THEMIS: variants seen among roughly 807,000 people sequenced by gnomAD.
THEMIS encodes thymocyte selection associated.
In THEMIS, 37 loss-of-function variants were observed where a neutral mutation model predicts 52.6. The ratio of observed to expected loss-of-function variants is 0.70; its 90% CI spans 0.54 to 0.93. The LOEUF is 0.93. Ranked by LOEUF, THEMIS falls within the 40% of genes least tolerant of loss-of-function variation. THEMIS has a pLI of 0.00. For synonymous variants in THEMIS, 292 were observed against 272.7 expected (o/e 1.07, Z -0.70); for missense variants, 808 against 763.1 (o/e 1.06, Z -0.69).
At chr6:127,886,413 T>G (rs2114451665) in intron 1 of THEMIS, among the ~76,000 whole-genome samples, 1 of 152,284 alleles carries the variant, frequency 6.6e-6, no homozygotes, top group Middle Eastern at 3.4e-3. Flanking sequence ...CCCTCATATA[T>G]TCCAAAGAAA....
At chr6:127,699,354 A>G in the THEMIS span, among the ~76,000 whole-genome samples, 3 of 151,450 alleles carry the variant, frequency 2.0e-5, no homozygotes, top group African/African-American at 7.3e-5. Flanking sequence ...CTTCTTCCAT[A>G]CATTATTTAA....
At chr6:127,868,451 A>G (rs1033963267) in intron 1 of THEMIS, 1 of 985,290 alleles carries the variant, frequency 1.0e-6, no homozygotes, top group Non-Finnish European at 1.2e-6. Context: ...GGGGATAAAG[A>G]CACCTTCAAG....
intron 4 of THEMIS, among the ~76,000 whole-genome samples, chr6:127,735,023 T>A (rs1774953990): frequency 6.7e-6 from 1 of 149,910 alleles, no homozygotes; most frequent in South Asian, 2.1e-4. Flanking sequence ...ATATTGTTTC[T>A]TAAATAATCT....
At chr6:127,744,013 ATGT>A (rs1775297192) in intron 4 of THEMIS, among the ~76,000 whole-genome samples, 1 of 152,116 alleles carries the variant, frequency 6.6e-6, no homozygotes, top group African/African-American at 2.4e-5. Flanking sequence ...TATTGAATAA[ATGT>A]TGACCAAATT....
intron 4 of THEMIS, among the ~76,000 whole-genome samples, chr6:127,767,291 C>A (rs1776233475): frequency 6.6e-6 from 1 of 152,064 alleles, no homozygotes; most frequent in Admixed American, 6.6e-5. Flanking sequence ...ACTGTTTCAC[C>A]ATGTTGGCCA....
chr6:127,848,093 C>T (rs188234939), intron 2 of THEMIS, among the ~76,000 whole-genome samples: 1,548 of 127,460 alleles, frequency 0.012, 31 homozygotes, highest in African/African-American at 0.041. Context: ...CAACAGGCCC[C>T]GGTGTGTGTG....
chr6:127,711,352 G>A (rs995220165), intron 5 of THEMIS, among the ~76,000 whole-genome samples: 2 of 152,124 alleles, frequency 1.3e-5, no homozygotes, highest in African/African-American at 2.4e-5. Flanking sequence ...GGCTCCTGAG[G>A]AGGTCACAGA....
At chr6:127,802,044 G>A (rs1156280593) in intron 4 of THEMIS, among the ~76,000 whole-genome samples, 2 of 152,128 alleles carry the variant, frequency 1.3e-5, no homozygotes, top group Admixed American at 6.5e-5. Flanking sequence ...GTTGCAGTTC[G>A]GGGAGTTAAA....
intron 4 of THEMIS, among the ~76,000 whole-genome samples, chr6:127,784,950 A>ACTATCTATCTAT (rs59805084): frequency 1.4e-5 from 2 of 145,404 alleles, no homozygotes; most frequent in Non-Finnish European, 3.0e-5. Context: ...AGGCAGTCAC[A>ACTATCTATCTAT]CTATCTATCT....
At chr6:127,711,038 C>T (rs1773963182) in intron 5 of THEMIS, among the ~76,000 whole-genome samples, 1 of 143,800 alleles carries the variant, frequency 7.0e-6, no homozygotes, top group South Asian at 2.3e-4. Context: ...CCCTTCTTCT[C>T]CTCTCCCACT....
chr6:127,701,519 T>C, the THEMIS span, among the ~76,000 whole-genome samples: 1 of 152,122 alleles, frequency 6.6e-6, no homozygotes, highest in Non-Finnish European at 1.5e-5. Context: ...GTCTTATTGG[T>C]AGCTAAATTA....
the THEMIS span, among the ~76,000 whole-genome samples, chr6:127,701,771 T>C: frequency 0.013 from 1,984 of 152,270 alleles, 46 homozygotes; most frequent in African/African-American, 0.045. Flanking sequence ...AGTTTTAATT[T>C]GCATTTGCCT....
chr6:127,737,679 A>C (rs181606043), intron 4 of THEMIS, among the ~76,000 whole-genome samples: 17 of 152,350 alleles, frequency 1.1e-4, no homozygotes, highest in African/African-American at 3.8e-4. Context: ...ATATATCATA[A>C]ACTAATTCAA....
At chr6:127,865,381 T>C (rs866985408) in intron 1 of THEMIS, among the ~76,000 whole-genome samples, 1 of 152,152 alleles carries the variant, frequency 6.6e-6, no homozygotes, top group Non-Finnish European at 1.5e-5. Context: ...TTCTTTGGAA[T>C]GTACATAAAG....
At chr6:127,891,132 ACT>A (rs1780792633) in intron 1 of THEMIS, among the ~76,000 whole-genome samples, 1 of 152,096 alleles carries the variant, frequency 6.6e-6, no homozygotes, top group South Asian at 2.1e-4. Context: ...GGTCTTCATG[ACT>A]CTGTCAAATA....
intron 4 of THEMIS, among the ~76,000 whole-genome samples, chr6:127,775,124 C>G (rs1411009191): frequency 1.3e-5 from 2 of 152,092 alleles, no homozygotes; most frequent in African/African-American, 2.4e-5. Flanking sequence ...ATATATGTTC[C>G]CTGGGGTGGT....
At position 127,831,123 on chromosome 6, in the gene THEMIS, A is replaced by T. The variant is rs546667529; in HGVS notation, c.251-1189T>A. Among the ~76,000 whole-genome samples, 3 of 152,192 alleles carry T rather than the reference A, an allele frequency of 2.0e-5. No individual in the cohort carries two copies. In the South Asian group the frequency reaches 6.2e-4, roughly 32 times the overall value. ...TTACTTCTCTAATTTTTCCATTAGA[A>T]AACTGCACTATTTTTACTATTTCAT... On this transcript the variant is annotated intron_variant, in intron 2 of 5. Coordinates refer to ENST00000368248, the MANE Select transcript of THEMIS (RefSeq NM_001010923.3).
chr6:127,787,638 T>C (rs1000967500), intron 4 of THEMIS, among the ~76,000 whole-genome samples: 9 of 152,200 alleles, frequency 5.9e-5, no homozygotes, highest in African/African-American at 9.7e-5. Context: ...GAACACATGA[T>C]ATATACAATA....
At chr6:127,846,142 G>A (rs1276363875) in intron 2 of THEMIS, among the ~76,000 whole-genome samples, 1 of 151,952 alleles carries the variant, frequency 6.6e-6, no homozygotes, top group African/African-American at 2.4e-5. Context: ...ACTAAGCAGG[G>A]ACTTCTGTGG....
Sources: allele counts gnomAD v4.1 joint callset (sites outside exome capture counted in the v4.1 genomes callset), GRCh38; gene constraint gnomAD v4.1.1; transcripts MANE v1.5; gene names NCBI Gene and HGNC (gene_info 2026-07-23, HGNC 2026-07-21).